Variants in C3orf20 observed in about 807,000 individuals in gnomAD.
C3orf20 encodes uncharacterized protein C3orf20.
Under a neutral mutation model 88.3 loss-of-function variants are expected in C3orf20, and 76 were observed. That is an observed-to-expected ratio of 0.86 (90% CI 0.72 to 1.04). C3orf20 has a LOEUF of 1.04. Ranked by LOEUF, C3orf20 falls within the 50% of genes least tolerant of loss-of-function variation. The pLI is 0.00. For synonymous variants in C3orf20, 436 were observed against 437.4 expected (o/e 1.00, Z 0.04); for missense variants, 1,056 against 1,123.3 (o/e 0.94, Z 0.86).
rs74842937 is a variant in C3orf20, at chr3:14,682,976, T to C, written c.263T>C (p.Val88Ala). 331 of 1,613,788 alleles carry C rather than the reference T, an allele frequency of 2.1e-4. 1 individual carries two copies. The African/African-American group carries it at 3.9e-3, about 19-fold the overall frequency. Residue 88 changes from valine to alanine, a missense_variant, in exon 3 of 17, where the codon GTC (valine) becomes GCC (alanine). Physicochemically the swap from Val to Ala is moderately conservative, Grantham distance 64 (BLOSUM62 0). Transcript: ENST00000253697. ...VVLMEPTFVQ[V>A]PTLKKPLPPP... is the part of the protein sequence containing the mutation. ...CTCATGGAACCCACCTTTGTGCAGGTCCCCACACTGAAGAAGCCACTACCT... is the reference window on the plus strand; with the variant it reads ...CTCATGGAACCCACCTTTGTGCAGGCCCCCACACTGAAGAAGCCACTACCT...
At chr3:14,692,371 G>A (rs1361936906) in intron 5 of C3orf20, among the ~76,000 whole-genome samples, 3 of 152,090 alleles carry the variant, frequency 2.0e-5, no homozygotes, top group Non-Finnish European at 4.4e-5. Flanking sequence ...CCAACAGTTA[G>A]GAGGGTTTCC....
chr3:14,685,498 GTGTGTGTGTGTGTA>G (rs1366083995), intron 4 of C3orf20, among the ~76,000 whole-genome samples: 1 of 147,590 alleles, frequency 6.8e-6, no homozygotes, highest in African/African-American at 2.6e-5. Flanking sequence ...GCGTGCGTGT[GTGTGTGTGTGTGTA>G]TGTGTGTTAA....
intron 5 of C3orf20, among the ~76,000 whole-genome samples, chr3:14,700,173 A>G (rs565477327): frequency 1.3e-5 from 2 of 152,324 alleles, no homozygotes; most frequent in South Asian, 4.1e-4. Context: ...CTACCTCTCC[A>G]GTGCCCCTTT....
chr3:14,683,966 T>G (rs2032256627), intron 3 of C3orf20, among the ~76,000 whole-genome samples: 1 of 151,520 alleles, frequency 6.6e-6, no homozygotes, highest in Admixed American at 6.6e-5. Context: ...GCACCAGTGA[T>G]GGAGCCTTCT....
chr3:14,707,445 TTGTGTGTGTG>T (rs36047273), intron 7 of C3orf20, among the ~76,000 whole-genome samples: 1,911 of 136,440 alleles, frequency 0.014, 25 homozygotes, highest in African/African-American at 0.021. Flanking sequence ...GCATCTTTTC[TTGTGTGTGTG>T]TGTGTGTGTG....
chr3:14,722,575 C>A, intron 10 of C3orf20: 1 of 456,694 alleles, frequency 2.2e-6, no homozygotes. Context: ...CAGGTAGAGT[C>A]AGTCTCTCCC....
chr3:14,762,073 T>C (rs1295798158), intron 15 of C3orf20, among the ~76,000 whole-genome samples: 1 of 152,150 alleles, frequency 6.6e-6, no homozygotes, highest in Non-Finnish European at 1.5e-5. Flanking sequence ...TGCTTTGTTT[T>C]TTTGTTTGTT....
At chr3:14,769,593 G>A (rs377725183) in intron 15 of C3orf20, among the ~76,000 whole-genome samples, 44 of 152,270 alleles carry the variant, frequency 2.9e-4, no homozygotes, top group African/African-American at 8.9e-4. Context: ...TGAGGAGACT[G>A]GGTCTCTAGT....
chr3:14,706,023 C>T (rs2033486969), intron 7 of C3orf20, among the ~76,000 whole-genome samples: 1 of 152,084 alleles, frequency 6.6e-6, no homozygotes, highest in Non-Finnish European at 1.5e-5. Context: ...ATAATAAAAT[C>T]ACTGGGCACT....
intron 7 of C3orf20, among the ~76,000 whole-genome samples, chr3:14,712,956 G>T (rs947816203): frequency 6.6e-6 from 1 of 151,892 alleles, no homozygotes; most frequent in African/African-American, 2.4e-5. Context: ...TTTCCTTCGA[G>T]GTCTTTAGAT....
intron 12 of C3orf20, among the ~76,000 whole-genome samples, chr3:14,742,934 C>T (rs2034955257): frequency 1.3e-5 from 2 of 152,016 alleles, no homozygotes; most frequent in African/African-American, 2.4e-5. Flanking sequence ...TGGGTCCCTC[C>T]CACAACACGT....
At chr3:14,748,809 A>G (rs1056724447) in intron 12 of C3orf20, among the ~76,000 whole-genome samples, 1 of 152,086 alleles carries the variant, frequency 6.6e-6, no homozygotes, top group African/African-American at 2.4e-5. Flanking sequence ...GTGCTTGGAG[A>G]AGAGATTTTA....
In C3orf20 at chr3:14,706,367, G is replaced by A. The variant is rs1039650302; in HGVS notation, c.1160+1749G>A. 5.9e-5 allele frequency among the ~76,000 whole-genome samples: 9 copies of A among 151,792 alleles called. No homozygotes were observed. The East Asian group carries it at 1.7e-3, about 29-fold the overall frequency. ...CACCCCTGCTTCTTTCTGACTCTTT[G>A]CTGCATTTAATAGGATGATCTCCCT... On this transcript the variant is annotated intron_variant, in intron 7 of 16. Coordinates refer to ENST00000253697, the MANE Select transcript of C3orf20 (RefSeq NM_032137.5).
chr3:14,694,765 C>A (rs980679357), intron 5 of C3orf20, among the ~76,000 whole-genome samples: 1 of 151,620 alleles, frequency 6.6e-6, no homozygotes, highest in African/African-American at 2.4e-5. Flanking sequence ...CTTTAAGTTG[C>A]ATCATTGGGT....
chr3:14,685,508 G>A (rs1011562165), intron 4 of C3orf20, among the ~76,000 whole-genome samples: 12 of 151,068 alleles, frequency 7.9e-5, no homozygotes, highest in Middle Eastern at 3.4e-3. Flanking sequence ...GTGTGTGTGT[G>A]TGTATGTGTG....
intron 15 of C3orf20, among the ~76,000 whole-genome samples, chr3:14,762,007 C>A (rs1040500566): frequency 9.2e-5 from 14 of 152,196 alleles, no homozygotes; most frequent in African/African-American, 3.1e-4. Context: ...GGCTACACCC[C>A]CTCTCTGTCC....
In C3orf20 at chr3:14,714,084, A is replaced by G; in HGVS notation, c.1238A>G (p.Asp413Gly). 1 of 1,614,096 alleles carries G rather than the reference A, an allele frequency of 6.2e-7. No individual in the cohort carries two copies. Among genetic ancestry groups the G allele is most frequent in the East Asian group, 2.2e-5 (1 of 44,866 alleles). The part of the protein sequence containing the change: ...RGRTITCLFN[D>G]IPGFSLLALF... ...AGAACCATCACCTGCCTCTTTAATG[A>G]CATACCTGGATTCTCCTTGCTGGCC... Residue 413 changes from aspartate to glycine, a missense_variant, in exon 8 of 17, where the codon GAC becomes GGC. Transcript: ENST00000253697.
At chr3:14,770,278 G>T (rs1163014373) in intron 15 of C3orf20, among the ~76,000 whole-genome samples, 1 of 152,182 alleles carries the variant, frequency 6.6e-6, no homozygotes, top group Non-Finnish European at 1.5e-5. Context: ...GAGGTAAGGG[G>T]CTGCAAAGAG....
chr3:14,726,700 C>T (rs921244236), intron 10 of C3orf20, among the ~76,000 whole-genome samples: 5 of 152,114 alleles, frequency 3.3e-5, no homozygotes, highest in African/African-American at 9.7e-5. Context: ...GAAAACCCTC[C>T]GAGGAGAGGC....
Sources: allele counts gnomAD v4.1 joint callset (sites outside exome capture counted in the v4.1 genomes callset), GRCh38; gene constraint gnomAD v4.1.1; transcripts MANE v1.5; gene names NCBI Gene and HGNC (gene_info 2026-07-23, HGNC 2026-07-21).